Variants in GNA14 observed in about 807,000 individuals in gnomAD.
GNA14 encodes guanine nucleotide-binding protein subunit alpha-14.
In GNA14, 50 loss-of-function variants were observed where a neutral mutation model predicts 42.0. That is an observed-to-expected ratio of 1.19 (90% confidence interval 0.95 to 1.51). The LOEUF is 1.51. Among genes scored for constraint, GNA14 ranks in the 40% most tolerant of loss-of-function variants. GNA14 has a pLI of 0.00. For synonymous variants in GNA14, 173 were observed against 163.1 expected (o/e 1.06, Z -0.46); for missense variants, 473 against 446.2 (o/e 1.06, Z -0.54).
At chr9:77,637,863 T>C (rs1200694002) in intron 1 of GNA14, among the ~76,000 whole-genome samples, 1 of 152,242 alleles carries the variant, frequency 6.6e-6, no homozygotes, top group African/African-American at 2.4e-5. Context: ...GCATATCACA[T>C]AGGTAATACT....
intron 1 of GNA14, among the ~76,000 whole-genome samples, chr9:77,537,346 C>G (rs983539568): frequency 6.6e-6 from 1 of 152,174 alleles, no homozygotes; most frequent in Non-Finnish European, 1.5e-5. Context: ...CCTTGTTTTG[C>G]CTGGCTTATC....
chr9:77,587,925 T>C (rs1490329701), intron 1 of GNA14, among the ~76,000 whole-genome samples: 1 of 152,178 alleles, frequency 6.6e-6, no homozygotes, highest in Non-Finnish European at 1.5e-5. Flanking sequence ...AAGGGAGGCT[T>C]CATTCCATGC....
intron 1 of GNA14, among the ~76,000 whole-genome samples, chr9:77,559,314 T>C (rs1220117423): frequency 2.6e-5 from 4 of 152,196 alleles, no homozygotes; most frequent in African/African-American, 9.7e-5. Context: ...GGGAGGGCTC[T>C]GGCTGGGAAG....
At chr9:77,532,965 TA>T (rs1837550570) in intron 1 of GNA14, among the ~76,000 whole-genome samples, 2 of 152,102 alleles carry the variant, frequency 1.3e-5, no homozygotes, top group Admixed American at 6.6e-5. Flanking sequence ...GTAATGAGGC[TA>T]GGGGTGGAGG....
intron 1 of GNA14, among the ~76,000 whole-genome samples, chr9:77,627,600 A>C (rs958929871): frequency 6.6e-6 from 1 of 152,200 alleles, no homozygotes; most frequent in Non-Finnish European, 1.5e-5. Flanking sequence ...TACGCAAATT[A>C]ATAAATGTAA....
intron 2 of GNA14, among the ~76,000 whole-genome samples, chr9:77,487,452 C>T (rs543875472): frequency 6.6e-5 from 10 of 152,214 alleles, no homozygotes; most frequent in African/African-American, 1.9e-4. Context: ...ATTTTGCCAT[C>T]TCCTCTTCCT....
At chr9:77,591,550 T>C (rs1267600362) in intron 1 of GNA14, among the ~76,000 whole-genome samples, 6 of 152,148 alleles carry the variant, frequency 3.9e-5, no homozygotes, top group Admixed American at 3.9e-4. Context: ...TCCTCAGGCG[T>C]CAAATGAAGA....
chr9:77,482,003 A>C (rs1359302642), intron 2 of GNA14, among the ~76,000 whole-genome samples: 4 of 152,022 alleles, frequency 2.6e-5, no homozygotes, highest in African/African-American at 9.7e-5. Context: ...CTCTTTATCC[A>C]ATTTGCCAGT....
intron 2 of GNA14, among the ~76,000 whole-genome samples, chr9:77,461,126 C>A (rs1368098564): frequency 1.3e-5 from 2 of 152,160 alleles, no homozygotes; most frequent in East Asian, 3.9e-4. Context: ...CCAGGTGGGT[C>A]CCCAGCAGGC....
chr9:77,437,878 A>G (rs1835664928), intron 2 of GNA14, among the ~76,000 whole-genome samples: 1 of 152,226 alleles, frequency 6.6e-6, no homozygotes, highest in African/African-American at 2.4e-5. Context: ...GCTGAACTTC[A>G]GGGGCAGTTG....
intron 1 of GNA14, among the ~76,000 whole-genome samples, chr9:77,617,713 C>T (rs1051840712): frequency 3.9e-5 from 6 of 152,112 alleles, no homozygotes; most frequent in African/African-American, 1.4e-4. Context: ...CTATCACTCT[C>T]TCTCTTGCTC....
chr9:77,446,264 A>C (rs895729849), intron 2 of GNA14, among the ~76,000 whole-genome samples: 1 of 152,250 alleles, frequency 6.6e-6, no homozygotes, highest in Non-Finnish European at 1.5e-5. Context: ...CGGCCCTTCC[A>C]GACAAGGAAG....
chr9:77,592,291 G>C (rs1260252560), intron 1 of GNA14, among the ~76,000 whole-genome samples: 7 of 152,182 alleles, frequency 4.6e-5, no homozygotes, highest in African/African-American at 7.2e-5. Context: ...CTGTGTAATT[G>C]TGTGGTGTGT....
At chr9:77,490,804 C>T (rs905022300) in intron 2 of GNA14, among the ~76,000 whole-genome samples, 4 of 152,226 alleles carry the variant, frequency 2.6e-5, no homozygotes, top group African/African-American at 9.6e-5. Flanking sequence ...CAGCTCTGGC[C>T]TTGGCCAGCC....
intron 1 of GNA14, among the ~76,000 whole-genome samples, chr9:77,567,781 C>T (rs769575228): frequency 3.3e-5 from 5 of 152,166 alleles, no homozygotes; most frequent in South Asian, 2.1e-4. Flanking sequence ...ACAGGAGAAT[C>T]GCTTGAGCCC....
At chr9:77,425,235 G>T (rs545885908) in intron 6 of GNA14, among the ~76,000 whole-genome samples, 1 of 152,268 alleles carries the variant, frequency 6.6e-6, no homozygotes, top group East Asian at 1.9e-4. Flanking sequence ...AAAGGAGGAG[G>T]CACCCTTCCT....
At chr9:77,606,280 GGAAAA>G (rs1183287985) in intron 1 of GNA14, among the ~76,000 whole-genome samples, 18 of 152,218 alleles carry the variant, frequency 1.2e-4, no homozygotes, top group Admixed American at 1.1e-3. Flanking sequence ...CCAGTTACTA[GGAAAA>G]GAAGCCTCAT....
chr9:77,634,866 T>C (rs1824156464), intron 1 of GNA14, among the ~76,000 whole-genome samples: 1 of 152,206 alleles, frequency 6.6e-6, no homozygotes, highest in South Asian at 2.1e-4. Flanking sequence ...GTGGGTTCAA[T>C]AGTGAGCAGA....
intron 2 of GNA14, among the ~76,000 whole-genome samples, chr9:77,458,883 G>T (rs1318626745): frequency 7.6e-6 from 1 of 131,010 alleles, no homozygotes; most frequent in Non-Finnish European, 1.6e-5. Context: ...CAGAACCTAA[G>T]CTCCTTTTAT....
Sources: gnomAD v4.1 joint callset for allele counts (sites outside exome capture counted in the v4.1 genomes callset) on GRCh38, gnomAD v4.1.1 for gene constraint, MANE v1.5 for transcripts, NCBI Gene and HGNC (gene_info 2026-07-23, HGNC 2026-07-21) for gene names.